FARS2: variants seen among roughly 807,000 people sequenced by gnomAD.
FARS2 encodes phenylalanine--tRNA ligase, mitochondrial.
A neutral mutation model predicts 46.4 loss-of-function variants in FARS2; 40 were observed. That is an observed-to-expected ratio of 0.86 (90% CI 0.67 to 1.12). FARS2 has a LOEUF of 1.12. FARS2 is among the 50% of genes most tolerant of loss of function. FARS2 has a pLI of 0.00. For synonymous variants in FARS2, 234 were observed against 214.9 expected (o/e 1.09, Z -0.78); for missense variants, 513 against 567.9 (o/e 0.90, Z 0.98).
intron 6 of FARS2, among the ~76,000 whole-genome samples, chr6:5,702,748 T>TG (rs1255475143): frequency 6.6e-6 from 1 of 152,254 alleles, no homozygotes; most frequent in Non-Finnish European, 1.5e-5. Flanking sequence ...TCTGGTTACT[T>TG]GGGTTTTATA....
At chr6:5,381,340 G>A (rs998906214) in intron 2 of FARS2, among the ~76,000 whole-genome samples, 2 of 150,298 alleles carry the variant, frequency 1.3e-5, no homozygotes, top group Admixed American at 1.3e-4. Flanking sequence ...CTATTTGAGA[G>A]TCTGATGAGA....
At chr6:5,489,071 G>C (rs1454528752) in intron 4 of FARS2, among the ~76,000 whole-genome samples, 1 of 152,076 alleles carries the variant, frequency 6.6e-6, no homozygotes, top group Non-Finnish European at 1.5e-5. Flanking sequence ...AGTGTCATCA[G>C]GTCATAAATG....
intron 5 of FARS2, among the ~76,000 whole-genome samples, chr6:5,595,979 G>A (rs1281683542): frequency 1.3e-5 from 2 of 152,198 alleles, no homozygotes; most frequent in African/African-American, 4.8e-5. Flanking sequence ...GAGAAAGGGG[G>A]TAGTTAATTA....
chr6:5,761,795 A>C (rs1762487086), intron 6 of FARS2, among the ~76,000 whole-genome samples: 2 of 150,066 alleles, frequency 1.3e-5, no homozygotes, highest in African/African-American at 2.5e-5. Context: ...CATAGCATTA[A>C]GAGTGGAGGA....
intron 5 of FARS2, among the ~76,000 whole-genome samples, chr6:5,600,313 A>G (rs1458300040): frequency 1.3e-5 from 2 of 152,240 alleles, no homozygotes; most frequent in African/African-American, 2.4e-5. Flanking sequence ...TTAGAACTTG[A>G]TGAGTCTCGT....
intron 5 of FARS2, among the ~76,000 whole-genome samples, chr6:5,554,849 T>TTTACA (rs1771566911): frequency 6.6e-6 from 1 of 152,172 alleles, no homozygotes; most frequent in African/African-American, 2.4e-5. Context: ...ACTAGTAAGC[T>TTTACA]GTTACTGTTG....
At chr6:5,422,325 C>T (rs1582058680) in intron 3 of FARS2, among the ~76,000 whole-genome samples, 2 of 152,262 alleles carry the variant, frequency 1.3e-5, no homozygotes, top group East Asian at 3.9e-4. Flanking sequence ...AACCATATCA[C>T]CTTTTATCTT....
chr6:5,427,266 G>A (rs964802834), intron 3 of FARS2, among the ~76,000 whole-genome samples: 7 of 152,142 alleles, frequency 4.6e-5, no homozygotes, highest in Non-Finnish European at 1.0e-4. Flanking sequence ...ACTCAAAATG[G>A]TTTGAAGACT....
At chr6:5,638,421 C>T (rs960374482) in intron 6 of FARS2, among the ~76,000 whole-genome samples, 2 of 152,094 alleles carry the variant, frequency 1.3e-5, no homozygotes, top group Non-Finnish European at 2.9e-5. Context: ...AAAAATTAGC[C>T]GGATGTGGTG....
chr6:5,279,173 C>G (rs1029049766), intron 1 of FARS2, among the ~76,000 whole-genome samples: 2 of 151,760 alleles, frequency 1.3e-5, no homozygotes, highest in African/African-American at 4.8e-5. Flanking sequence ...GTCAGGAAAT[C>G]GAGAACACCC....
chr6:5,399,125 A>ATTT (rs200173799), intron 2 of FARS2, among the ~76,000 whole-genome samples: 1,446 of 135,136 alleles, frequency 0.011, 14 homozygotes, highest in African/African-American at 0.015. Flanking sequence ...ATTTTATATT[A>ATTT]TTTTATTATT....
At chr6:5,267,259 T>A (rs1765613795) in intron 1 of FARS2, among the ~76,000 whole-genome samples, 1 of 152,156 alleles carries the variant, frequency 6.6e-6, no homozygotes, top group African/African-American at 2.4e-5. Context: ...TACAGTGTGA[T>A]TTGTTGTAAT....
chr6:5,281,576 A>T (rs1401052130), intron 1 of FARS2, among the ~76,000 whole-genome samples: 1 of 152,130 alleles, frequency 6.6e-6, no homozygotes, highest in African/African-American at 2.4e-5. Flanking sequence ...TCAGAACTTC[A>T]TCATCCCACA....
At chr6:5,341,143 C>T (rs1178912409) in intron 1 of FARS2, among the ~76,000 whole-genome samples, 3 of 132,400 alleles carry the variant, frequency 2.3e-5, no homozygotes, top group Non-Finnish European at 3.2e-5. Context: ...GTTTCATATG[C>T]ACACGTTGTT....
intron 5 of FARS2, among the ~76,000 whole-genome samples, chr6:5,567,548 G>A (rs376546189): frequency 3.9e-5 from 6 of 152,208 alleles, no homozygotes; most frequent in South Asian, 2.1e-4. Flanking sequence ...TTTGAGGTTC[G>A]TTCTTTGTCT....
chr6:5,486,253 A>T (rs780202140), intron 4 of FARS2, among the ~76,000 whole-genome samples: 6 of 152,136 alleles, frequency 3.9e-5, no homozygotes, highest in Middle Eastern at 3.2e-3. Context: ...TGGAAAAGGG[A>T]TTATCATCCT....
At chr6:5,720,499 G>T (rs1257261055) in intron 6 of FARS2, among the ~76,000 whole-genome samples, 1 of 152,184 alleles carries the variant, frequency 6.6e-6, no homozygotes, top group African/African-American at 2.4e-5. Context: ...ATACTAAAGA[G>T]AATGTGTCTT....
At chr6:5,705,671 G>A (rs539634775) in intron 6 of FARS2, among the ~76,000 whole-genome samples, 3 of 152,108 alleles carry the variant, frequency 2.0e-5, no homozygotes, top group African/African-American at 7.2e-5. Context: ...TATTCCCAAC[G>A]TTATTTCCTT....
At chr6:5,589,062 G>T (rs902792866) in intron 5 of FARS2, among the ~76,000 whole-genome samples, 10 of 152,130 alleles carry the variant, frequency 6.6e-5, no homozygotes, top group African/African-American at 2.4e-4. Flanking sequence ...CCAGCTCCAC[G>T]GTGATGGGTG....
Sources: gnomAD v4.1 joint callset for allele counts (sites outside exome capture counted in the v4.1 genomes callset) on GRCh38, gnomAD v4.1.1 for gene constraint, MANE v1.5 for transcripts, NCBI Gene and HGNC (gene_info 2026-07-23, HGNC 2026-07-21) for gene names.